ECHDC2: variants seen among roughly 807,000 people sequenced by gnomAD.
ECHDC2 encodes enoyl-CoA hydratase domain containing 2.
In ECHDC2, 34 loss-of-function variants were observed where a neutral mutation model predicts 40.6. The ratio of observed to expected loss-of-function variants is 0.84; its 90% CI spans 0.64 to 1.11. The LOEUF (loss-of-function observed/expected upper bound fraction) is 1.11. Among genes scored for constraint, ECHDC2 ranks in the 50% most tolerant of loss-of-function variants. The pLI is 0.00. For missense variants in ECHDC2, 392 were observed against 400.7 expected (o/e 0.98, Z 0.19); for synonymous variants, 162 against 166.6 (o/e 0.97, Z 0.21).
rs554415827 is a variant in ECHDC2 at position 52,916,671 on chromosome 1, C to G, written c.122-4881G>C. Among the ~76,000 whole-genome samples the G allele has an allele frequency of 5.9e-5, 9 of 152,322 alleles. No individual in the cohort carries two copies. The South Asian group carries it at 1.9e-3, about 32-fold the overall frequency. On this transcript the variant is annotated intron_variant, in intron 1 of 9. Coordinates refer to ENST00000371522, the MANE Select transcript of ECHDC2 (RefSeq NM_001198961.2). ...CAGGGTGTCTTTGGCTGCCGACATT[C>G]AATTGTGCAACATTTAATTTGCACT...
chr1:52,921,373 T>C lies in ECHDC2; in HGVS notation c.121+180A>G, dbSNP rs554402221. ...AGGCCCCCCGCCCCCAGCTAGAGTC[T>C]GGAGCCACTAAGGCGGCCGCCCACC... On this transcript the variant is annotated intron_variant, in intron 1 of 9. Coordinates refer to ENST00000371522, the MANE Select transcript of ECHDC2 (RefSeq NM_001198961.2). 11 of 1,377,796 alleles carry C rather than the reference T, an allele frequency of 8.0e-6. No individual in the cohort carries two copies. In the East Asian group the frequency reaches 3.1e-4, roughly 38 times the overall value. The allele number at this position is 1,377,796 out of a possible 1,614,324, so 85.3% of individuals were successfully genotyped here. A position where few individuals can be genotyped will look rare whatever the true frequency, so the allele number is the denominator to read the frequency against.
intron 1 of ECHDC2, among the ~76,000 whole-genome samples, chr1:52,912,585 A>G (rs1487419358): frequency 6.6e-6 from 1 of 152,060 alleles, no homozygotes. Context: ...ACCACCACCC[A>G]AATCAAGAAA....
intron 7 of ECHDC2, chr1:52,902,027 TAAAAAA>T (rs5774131): frequency 6.7e-6 from 1 of 149,034 alleles, no homozygotes; most frequent in Non-Finnish European, 1.5e-5. Context: ...TGATGAAGCT[TAAAAAA>T]AAAAAAGACA....
Position 52,914,200 on chromosome 1 carries a change from A to G in ECHDC2, c.122-2410T>C. 1 of 408,776 alleles carries G rather than the reference A, an allele frequency of 2.4e-6. No homozygotes were observed. Among genetic ancestry groups the G allele is most frequent in the South Asian group, 1.8e-5 (1 of 55,830 alleles). The allele number at this position is 408,776 out of a possible 1,614,324, so 25.3% of individuals were successfully genotyped here. A position where few individuals can be genotyped will look rare whatever the true frequency, so the allele number is the denominator to read the frequency against. ...CCAGTGGGCAGAGGGGAGCCCTAGT[A>G]TAGAAGGTCAGCAATGAGTTATCAG... On this transcript the variant is annotated intron_variant, in intron 1 of 9. Coordinates refer to ENST00000371522, the MANE Select transcript of ECHDC2 (RefSeq NM_001198961.2). This position sits in a 1 kb window ranked among gnomAD's most constrained non-coding sequence, Gnocchi z 4.0.
intron 1 of ECHDC2, chr1:52,915,303 G>T: frequency 2.2e-6 from 1 of 456,012 alleles, no homozygotes; most frequent in Non-Finnish European, 4.4e-6. Context: ...CTGTAAACAA[G>T]CAGTGTTTAT....
chr1:52,911,142 A>G (rs1649380854), intron 3 of ECHDC2, among the ~76,000 whole-genome samples: 1 of 151,958 alleles, frequency 6.6e-6, no homozygotes, highest in Non-Finnish European at 1.5e-5. Flanking sequence ...ATACCCAGCT[A>G]ATTTTTGTAT....
chr1:52,911,454 G>A lies in ECHDC2; in HGVS notation c.277+112C>T, dbSNP rs1364732614. The A allele has an allele frequency of 2.9e-6, 3 of 1,044,758 alleles. No individual in the cohort carries two copies. The Admixed American group carries it at 5.8e-5, about 20-fold the overall frequency. The allele number at this position is 1,044,758 out of a possible 1,614,324, so 64.7% of individuals were successfully genotyped here. ...TCCCTGAGTCTCTGCATTCACATCGGTAAAATGGCAACAATGAGTCCCATG... is the reference window on the plus strand; with the variant it reads ...TCCCTGAGTCTCTGCATTCACATCGATAAAATGGCAACAATGAGTCCCATG... On this transcript the variant is annotated intron_variant, in intron 3 of 9. Transcript: ENST00000371522.
intron 7 of ECHDC2, chr1:52,900,447 T>C (rs1262057322): frequency 1.3e-5 from 2 of 152,252 alleles, no homozygotes; most frequent in Non-Finnish European, 2.9e-5. Context: ...TATTCTTCCA[T>C]GTTTGAATTC....
upstream of ECHDC2, chr1:52,921,771 A>C: frequency 7.0e-7 from 1 of 1,420,938 alleles, no homozygotes; most frequent in Admixed American, 3.0e-5. Flanking sequence ...AGCCTTCGCC[A>C]ATTGCTCCAC....
At chr1:52,900,117 G>A (rs1396155745) in intron 7 of ECHDC2, 2 of 152,060 alleles carry the variant, frequency 1.3e-5, no homozygotes, top group African/African-American at 2.4e-5. Flanking sequence ...AAGGTCCACC[G>A]GAAAAGAAGT....
intron 1 of ECHDC2, chr1:52,917,611 C>T (rs919512171): frequency 8.8e-6 from 4 of 455,934 alleles, no homozygotes; most frequent in African/African-American, 6.0e-5. Context: ...AACCTTAGTG[C>T]CCAGCTAAGG....
At chr1:52,900,413 A>G (rs1419687878) in intron 7 of ECHDC2, 1 of 152,230 alleles carries the variant, frequency 6.6e-6, no homozygotes, top group African/African-American at 2.4e-5. Flanking sequence ...ATGTTTTGTT[A>G]TATAAAATGA....
intron 7 of ECHDC2, among the ~76,000 whole-genome samples, chr1:52,903,049 C>A (rs138455329): frequency 1.3e-5 from 2 of 152,224 alleles, no homozygotes; most frequent in East Asian, 1.9e-4. Context: ...TACCCAACCC[C>A]CTGTATCCTG....
chr1:52,907,952 C>G lies in ECHDC2; in HGVS notation c.280G>C (p.Ala94Pro). The change falls in exon 4 of 10, where the codon GCA becomes CCA. Residue 94 changes from alanine to proline, a missense_variant and splice_region_variant. Physicochemically the swap from Ala to Pro is conservative, Grantham distance 27. Coordinates refer to ENST00000371522, the MANE Select transcript of ECHDC2 (RefSeq NM_001198961.2). ...SGVKGVFCAG[A>P]DLKEREQMSE... ...ATCTGTTCCCGCTCCTTCAGGTCTGCACCTGCAGATGGCGAGGGTTGGTAC... is the reference window on the plus strand; with the variant it reads ...ATCTGTTCCCGCTCCTTCAGGTCTGGACCTGCAGATGGCGAGGGTTGGTAC... 1 of 1,614,058 alleles carries G rather than the reference C, an allele frequency of 6.2e-7. No homozygotes were observed. The highest frequency in any genetic ancestry group is 2.2e-5 in the East Asian group (1 of 44,874).
rs1423146986 is a variant in ECHDC2 at position 52,913,359 on chromosome 1, T to C, written c.122-1569A>G. 3 of 152,332 alleles carry C rather than the reference T, an allele frequency of 2.0e-5. No homozygotes were observed. In the East Asian group the frequency reaches 5.8e-4, roughly 29 times the overall value. 9.4% of individuals were successfully genotyped at this position (152,332 alleles called of 1,614,324 possible). ...GCTTCTTGGTAGTTTTCTATACTCA[T>C]TTAGTCACTTTCTTACCTTCCATTC... On this transcript the variant is annotated intron_variant, in intron 1 of 9. Coordinates refer to ENST00000371522, the MANE Select transcript of ECHDC2 (RefSeq NM_001198961.2).
chr1:52,904,765 G>T lies in ECHDC2; in HGVS notation c.583C>A (p.Arg195=), dbSNP rs376450584. The change falls in exon 7 of 10, where the codon CGA becomes AGA. Residue 195 remains arginine, a synonymous_variant. Coordinates refer to ENST00000371522, the MANE Select transcript of ECHDC2 (RefSeq NM_001198961.2). ...ACGTGGGCCTCAGTTCCACTCAGTC[G>T]TCGGCCCGTGAAGATGAGCTCCTTC... ...LAKELIFTGR[R]LSGTEAHVLG... is the part of the protein sequence containing the mutation. 6.2e-7 allele frequency: 1 copy of T among 1,612,856 alleles called. No homozygotes were observed.
intron 1 of ECHDC2, among the ~76,000 whole-genome samples, chr1:52,915,630 G>A (rs1164685346): frequency 3.9e-5 from 6 of 152,176 alleles, no homozygotes; most frequent in African/African-American, 1.4e-4. Flanking sequence ...TGCCAGATCA[G>A]GAGGAGTCAA....
intron 1 of ECHDC2, among the ~76,000 whole-genome samples, chr1:52,920,931 C>A (rs1231346663): frequency 1.3e-5 from 2 of 152,238 alleles, no homozygotes; most frequent in Admixed American, 1.3e-4. Flanking sequence ...GTTCAAACAA[C>A]AACAACAACA....
intron 7 of ECHDC2, among the ~76,000 whole-genome samples, chr1:52,902,965 AATTT>A (rs1647082361): frequency 6.6e-6 from 1 of 152,196 alleles, no homozygotes; most frequent in South Asian, 2.1e-4. Context: ...GGCTAAGACA[AATTT>A]ATTATAAATT....
Sources: gnomAD v4.1 joint callset for allele counts (sites outside exome capture counted in the v4.1 genomes callset) on GRCh38, gnomAD v4.1.1 for gene constraint, Gnocchi (gnomAD v3.1) non-coding constraint, MANE v1.5 for transcripts, NCBI Gene and HGNC (gene_info 2026-07-23, HGNC 2026-07-21) for gene names.